The following SATB2 variants were observed in gnomAD, a reference collection of about 807,000 sequenced individuals.
SATB2 encodes the protein SATB homeobox 2.
A neutral mutation model predicts 73.4 loss-of-function variants in SATB2; 1 was observed. That is an observed-to-expected ratio of 0.01 (90% confidence interval 0.00 to 0.06). The LOEUF (loss-of-function observed/expected upper bound fraction) is 0.06, where lower values mean the gene tolerates loss of function less well. Among genes scored for constraint, SATB2 ranks in the 10% least tolerant of loss-of-function variants. SATB2 has a pLI of 1.00. For synonymous variants in SATB2, 397 were observed against 367.0 expected (o/e 1.08, Z -0.93); for missense variants, 459 against 945.8 (o/e 0.49, Z 6.75).
chr2:199,407,940 G>A (rs895724918), intron 3 of SATB2, among the ~76,000 whole-genome samples: 9 of 152,124 alleles, frequency 5.9e-5, no homozygotes, highest in African/African-American at 2.2e-4. Context: ...AAATTAAAAA[G>A]TAAAAAAGTT....
At chr2:199,445,538 G>A (rs1574636199) in intron 2 of SATB2, among the ~76,000 whole-genome samples, 1 of 152,302 alleles carries the variant, frequency 6.6e-6, no homozygotes, top group East Asian at 1.9e-4. Flanking sequence ...TTTTGGGGGA[G>A]TTTATAAGTT....
upstream of SATB2, chr2:199,458,602 G>A (rs1267963231): frequency 4.6e-6 from 2 of 433,086 alleles, no homozygotes; most frequent in East Asian, 8.8e-5. Flanking sequence ...CGGCGCGGAG[G>A]CGGCGGCGAC....
In SATB2 at chr2:199,270,592, G is replaced by A. The variant is rs1176701162; in HGVS notation, c.*1619C>T. ...GGATTACGTTCACTAGGCCAGTCCT[G>A]AATGTGAGGTCTCCTCTTGCAATTA... On this transcript the variant is annotated 3_prime_UTR_variant, in exon 11 of 11. Transcript: ENST00000417098. 6.6e-6 allele frequency: 1 copy of A among 152,100 alleles called. No homozygotes were observed. Among genetic ancestry groups the A allele is most frequent in the Non-Finnish European group, 1.5e-5 (1 of 68,014 alleles). The allele number at this position is 152,100 out of a possible 1,614,324, so 9.4% of individuals were successfully genotyped here. A position where few individuals can be genotyped will look rare whatever the true frequency, so the allele number is the denominator to read the frequency against.
intron 3 of SATB2, among the ~76,000 whole-genome samples, chr2:199,399,698 C>G (rs1690413361): frequency 6.6e-6 from 1 of 152,160 alleles, no homozygotes; most frequent in African/African-American, 2.4e-5. Flanking sequence ...AGCGAGGCAG[C>G]TCACATGATG....
chr2:199,375,611 C>T (rs1689576148), intron 5 of SATB2, among the ~76,000 whole-genome samples: 1 of 152,148 alleles, frequency 6.6e-6, no homozygotes, highest in Non-Finnish European at 1.5e-5. Context: ...GAATCATTCC[C>T]TTTGTAATTG....
At chr2:199,379,682 C>CTTTTTTTTTTTTTTTTTT (rs71015899) in intron 5 of SATB2, among the ~76,000 whole-genome samples, 2 of 108,246 alleles carry the variant, frequency 1.8e-5, no homozygotes, top group East Asian at 2.4e-4. Flanking sequence ...CTTTTCTTTT[C>CTTTTTTTTTTTTTTTTTT]TTTTTTTTTT....
chr2:199,440,491 G>C (rs554438798), intron 2 of SATB2, among the ~76,000 whole-genome samples: 1 of 152,278 alleles, frequency 6.6e-6, no homozygotes, highest in Non-Finnish European at 1.5e-5. Flanking sequence ...TCTCATGGAA[G>C]AAATTTCAGG....
chr2:199,348,683 G>A lies in SATB2; in HGVS notation c.1173+18C>T. 2 of 1,541,898 alleles carry A rather than the reference G, an allele frequency of 1.3e-6. No homozygotes were observed. Among genetic ancestry groups the A allele is most frequent in the African/African-American group, 1.4e-5 (1 of 73,142 alleles). On this transcript the variant is annotated intron_variant, in intron 7 of 10. Transcript: ENST00000417098. ...CCCCAGTATTACTGTTAATTACAGT[G>A]TTTAATGCTAATTGTACCTGTGTGC...
chr2:199,421,523 G>A (rs1407039520), intron 3 of SATB2, among the ~76,000 whole-genome samples: 1 of 152,080 alleles, frequency 6.6e-6, no homozygotes, highest in African/African-American at 2.4e-5. Context: ...AAAAACAGAG[G>A]CTAACAAATG....
intron 7 of SATB2, among the ~76,000 whole-genome samples, chr2:199,340,971 TTATC>T (rs139220746): frequency 0.6 from 90,795 of 151,660 alleles, 31,289 homozygotes; most frequent in Non-Finnish European, 0.77. Flanking sequence ...AGAGAATAGT[TTATC>T]TATTAAGGAA....
chr2:199,400,698 T>C (rs1004452319), intron 3 of SATB2, among the ~76,000 whole-genome samples: 1 of 152,196 alleles, frequency 6.6e-6, no homozygotes, highest in African/African-American at 2.4e-5. Context: ...ACCAATGAGG[T>C]AGGTGTTATC....
At chr2:199,410,844 C>G (rs1348170297) in intron 3 of SATB2, among the ~76,000 whole-genome samples, 1 of 152,078 alleles carries the variant, frequency 6.6e-6, no homozygotes, top group South Asian at 2.1e-4. Context: ...AAAAGTAGAT[C>G]AAAACATACA....
intron 3 of SATB2, among the ~76,000 whole-genome samples, chr2:199,384,921 A>G (rs1450195646): frequency 6.6e-6 from 1 of 152,202 alleles, no homozygotes; most frequent in Non-Finnish European, 1.5e-5. Flanking sequence ...TTATTTCAAA[A>G]TACATTGACT....
At chr2:199,281,745 T>C (rs1692504429) in intron 10 of SATB2, among the ~76,000 whole-genome samples, 1 of 152,180 alleles carries the variant, frequency 6.6e-6, no homozygotes, top group Non-Finnish European at 1.5e-5. Flanking sequence ...GATTAATAAC[T>C]AATGTAAATA....
rs755710243 is a variant in SATB2 at position 199,270,203 on chromosome 2, G to A, written c.*2008C>T. 1.3e-5 allele frequency: 2 copies of A among 152,702 alleles called. No individual in the cohort carries two copies. Among genetic ancestry groups the A allele is most frequent in the Non-Finnish European group, 2.9e-5 (2 of 68,030 alleles). 9.5% of individuals were successfully genotyped at this position (152,702 alleles called of 1,614,324 possible). ...CCATCCTTTTGCAAAGGTATATGAC[G>A]CTTATGTCAAGATAATTTTTAAACA... On this transcript the variant is annotated 3_prime_UTR_variant, in exon 11 of 11. Coordinates refer to ENST00000417098, the MANE Select transcript of SATB2 (RefSeq NM_001172509.2).
intron 7 of SATB2, among the ~76,000 whole-genome samples, chr2:199,335,119 A>C (rs1476833780): frequency 1.3e-5 from 2 of 152,168 alleles, no homozygotes; most frequent in Admixed American, 1.3e-4. Context: ...CACAACAATG[A>C]CAATTTGATT....
Position 199,328,797 on chromosome 2 carries a change from T to C in SATB2, c.1287A>G (p.Arg429=). 1 of 1,614,032 alleles carries C rather than the reference T, an allele frequency of 6.2e-7. No individual in the cohort carries two copies. The highest frequency in any genetic ancestry group is 1.3e-5 in the African/African-American group (1 of 75,050). Residue 429 remains arginine (R), a synonymous_variant, in exon 8 of 11, where the codon CGA becomes CGG. Transcript: ENST00000417098. ...CCCTCTCATCCTGGTAGATGCGATC[T>C]CGCTCCACTTCTGGCAGATTGAGGA... ...QNFLNLPEVE[R]DRIYQDERER...
intron 5 of SATB2, among the ~76,000 whole-genome samples, chr2:199,373,160 G>A (rs1007371542): frequency 2.0e-5 from 3 of 152,060 alleles, no homozygotes; most frequent in African/African-American, 7.2e-5. Flanking sequence ...CCTGTCTGAG[G>A]GAAGAGGAGG....
At chr2:199,449,493 C>T (rs1037570083) in intron 2 of SATB2, among the ~76,000 whole-genome samples, 1 of 152,130 alleles carries the variant, frequency 6.6e-6, no homozygotes, top group Non-Finnish European at 1.5e-5. Context: ...GCATGTTATG[C>T]TTACAGGGCT....
Sources: gnomAD v4.1 joint callset for allele counts (sites outside exome capture counted in the v4.1 genomes callset) on GRCh38, gnomAD v4.1.1 for gene constraint, MANE v1.5 for transcripts, NCBI Gene and HGNC (gene_info 2026-07-23, HGNC 2026-07-21) for gene names.